The following PDE11A variants were observed in gnomAD, a reference collection of about 807,000 sequenced individuals.
PDE11A encodes phosphodiesterase 11A, also known as dual 3',5'-cyclic-AMP and -GMP phosphodiesterase 11A.
In PDE11A, 100 loss-of-function variants were observed where a neutral mutation model predicts 100.5. The observed-to-expected ratio is 1.00, with a 90% confidence interval of 0.85 to 1.18. The LOEUF is 1.18. Ranked by LOEUF, PDE11A falls within the 50% of genes most tolerant of loss-of-function variation. The probability of loss-of-function intolerance (pLI) is 0.00; values close to 1 mark genes in which losing one functional copy is unlikely to be tolerated. For missense variants in PDE11A, 1,141 were observed against 1,152.6 expected (o/e 0.99, Z 0.15); for synonymous variants, 381 against 420.8 (o/e 0.91, Z 1.16).
chr2:177,741,483 A>G (rs1288160431), intron 10 of PDE11A, among the ~76,000 whole-genome samples: 1 of 152,236 alleles, frequency 6.6e-6, no homozygotes, highest in African/African-American at 2.4e-5. Flanking sequence ...GGTCCATAAC[A>G]GACAGTTATC....
intron 4 of PDE11A, among the ~76,000 whole-genome samples, chr2:177,891,909 A>T (rs1264399317): frequency 1.3e-5 from 2 of 152,236 alleles, no homozygotes; most frequent in East Asian, 3.8e-4. Context: ...GATCTAAGAA[A>T]TGTACTTAGT....
In PDE11A at chr2:178,072,476, CAA is replaced by C. The variant is rs771421032; in HGVS notation, c.-41_-40del. 4 of 1,611,204 alleles carry C rather than the reference CAA, an allele frequency of 2.5e-6. No homozygotes were observed. The highest frequency in any genetic ancestry group is 3.4e-6 in the Non-Finnish European group (4 of 1,179,932). On this transcript the variant is annotated 5_prime_UTR_variant, in exon 1 of 20. It adds an upstream start codon to the 5' untranslated region. Transcript: ENST00000286063. Reference sequence around the variant, plus strand: ...TTTCCTTGCCTGTTTACACGTGAACCAAATGTTTTCCTGCCCCGAGGCCTCTA... The same window carrying C: ...TTTCCTTGCCTGTTTACACGTGAACCATGTTTTCCTGCCCCGAGGCCTCTA...
chr2:178,072,512 T>C lies in PDE11A; in HGVS notation c.-75A>G. On this transcript the variant is annotated 5_prime_UTR_variant, in exon 1 of 20. Coordinates refer to ENST00000286063, the MANE Select transcript of PDE11A (RefSeq NM_016953.4). Reference sequence around the variant, plus strand: ...CTGCCCCGAGGCCTCTAGCTGTTCCTGCACATGTTCACCCCCACCAGTATT... The same window carrying C: ...CTGCCCCGAGGCCTCTAGCTGTTCCCGCACATGTTCACCCCCACCAGTATT... 2 of 1,591,588 alleles carry C rather than the reference T, an allele frequency of 1.3e-6. No homozygotes were observed. Among genetic ancestry groups the C allele is most frequent in the Non-Finnish European group, 1.7e-6 (2 of 1,173,968 alleles).
intron 6 of PDE11A, among the ~76,000 whole-genome samples, chr2:177,823,055 A>G (rs1049324589): frequency 6.6e-6 from 1 of 152,098 alleles, no homozygotes; most frequent in Non-Finnish European, 1.5e-5. Context: ...GTAATTTTAG[A>G]TTATGTGATT....
At chr2:178,106,138 T>A (rs1000934081) in intron 1 of PDE11A, among the ~76,000 whole-genome samples, 5 of 152,230 alleles carry the variant, frequency 3.3e-5, no homozygotes, top group Non-Finnish European at 5.9e-5. Flanking sequence ...TTGTTTAACA[T>A]ACTGTGGTTA....
intron 2 of PDE11A, among the ~76,000 whole-genome samples, chr2:177,940,095 A>T (rs2085328726): frequency 6.6e-6 from 1 of 152,114 alleles, no homozygotes; most frequent in Non-Finnish European, 1.5e-5. Context: ...ACATGGGAGG[A>T]GGAGGAGGAA....
intron 2 of PDE11A, among the ~76,000 whole-genome samples, chr2:178,101,341 G>C (rs1038989443): frequency 6.6e-6 from 1 of 152,236 alleles, no homozygotes; most frequent in Non-Finnish European, 1.5e-5. Flanking sequence ...CAAATGAAAA[G>C]CTTCTGAGTC....
chr2:177,860,738 C>T (rs188475854), intron 5 of PDE11A, among the ~76,000 whole-genome samples: 1 of 151,742 alleles, frequency 6.6e-6, no homozygotes, highest in East Asian at 1.9e-4. Context: ...GGTATGCACA[C>T]CATGACTGAA....
chr2:177,964,987 A>T (rs920198526), intron 2 of PDE11A, among the ~76,000 whole-genome samples: 2 of 152,218 alleles, frequency 1.3e-5, no homozygotes, highest in Admixed American at 6.5e-5. Context: ...CATTCCCACC[A>T]GCAGTGTATA....
intron 2 of PDE11A, among the ~76,000 whole-genome samples, chr2:177,992,294 A>G (rs1396353183): frequency 6.6e-6 from 1 of 151,512 alleles, no homozygotes; most frequent in African/African-American, 2.4e-5. Flanking sequence ...CAAACAGTAT[A>G]TAAATTAATA....
chr2:177,632,760 A>G (rs1157107260), intron 19 of PDE11A, among the ~76,000 whole-genome samples: 1 of 152,150 alleles, frequency 6.6e-6, no homozygotes, highest in Non-Finnish European at 1.5e-5. Flanking sequence ...TTGGATGCCT[A>G]CTAACTGTAC....
chr2:177,834,740 C>T (rs1430927242), intron 6 of PDE11A, among the ~76,000 whole-genome samples: 1 of 152,238 alleles, frequency 6.6e-6, no homozygotes, highest in Non-Finnish European at 1.5e-5. Flanking sequence ...AGGTTTCTCC[C>T]CCAGGAATCT....
intron 6 of PDE11A, among the ~76,000 whole-genome samples, chr2:177,828,650 T>C (rs1340446095): frequency 1.3e-5 from 2 of 151,772 alleles, no homozygotes; most frequent in Admixed American, 1.3e-4. Flanking sequence ...GGGGGAAGAG[T>C]ATTTCAGCTG....
At chr2:177,696,912 T>C (rs567019171) in intron 15 of PDE11A, among the ~76,000 whole-genome samples, 4 of 152,278 alleles carry the variant, frequency 2.6e-5, no homozygotes, top group East Asian at 1.9e-4. Context: ...AAGAAAGAGA[T>C]AGAAAAGAAT....
At chr2:177,719,605 C>T (rs999467056) in intron 12 of PDE11A, among the ~76,000 whole-genome samples, 1 of 152,124 alleles carries the variant, frequency 6.6e-6, no homozygotes, top group African/African-American at 2.4e-5. Flanking sequence ...AGTCTGCACA[C>T]CATATTCCTA....
At chr2:177,675,587 G>C (rs1490293163) in intron 16 of PDE11A, 69 bp from the exon 17 acceptor site, 4 of 1,110,798 alleles carry the variant, frequency 3.6e-6, no homozygotes, top group Non-Finnish European at 5.5e-6. Flanking sequence ...ACCCGTCCTA[G>C]ATACATAAAT....
chr2:177,995,644 C>CCA (rs1355151514), intron 2 of PDE11A, among the ~76,000 whole-genome samples: 6 of 89,134 alleles, frequency 6.7e-5, no homozygotes, highest in Admixed American at 1.4e-4. Context: ...TCCACAAACA[C>CCA]CACCCACCCC....
intron 2 of PDE11A, among the ~76,000 whole-genome samples, chr2:177,933,588 G>A (rs560559326): frequency 1.3e-5 from 2 of 152,254 alleles, no homozygotes; most frequent in East Asian, 3.9e-4. Context: ...GGCTGAGACA[G>A]GAGAATTGCT....
intron 1 of PDE11A, among the ~76,000 whole-genome samples, chr2:178,040,958 G>C (rs1037248798): frequency 6.6e-6 from 1 of 151,920 alleles, no homozygotes; most frequent in Non-Finnish European, 1.5e-5. Context: ...TTCATTTATT[G>C]AGACAGGGTC....
Sources: gnomAD v4.1 joint callset for allele counts (sites outside exome capture counted in the v4.1 genomes callset) on GRCh38, gnomAD v4.1.1 for gene constraint, MANE v1.5 for transcripts, NCBI Gene and HGNC (gene_info 2026-07-23, HGNC 2026-07-21) for gene names.